The following FAM171A1 variants were observed in gnomAD, a reference collection of about 807,000 sequenced individuals.
FAM171A1 encodes the protein family with sequence similarity 171 member A1.
Under a neutral mutation model 74.9 loss-of-function variants are expected in FAM171A1, and 23 were observed. The ratio of observed to expected loss-of-function variants is 0.31; its 90% CI spans 0.22 to 0.44. The LOEUF is 0.44. Ranked by LOEUF, FAM171A1 falls within the 20% of genes least tolerant of loss-of-function variation. FAM171A1 has a pLI of 1.00. For missense variants in FAM171A1, 1,162 were observed against 1,159.2 expected, an observed-to-expected ratio of 1.00 and a Z score of -0.03; for synonymous variants, 527 against 505.7, an observed-to-expected ratio of 1.04 and a Z score of -0.57.
At chr10:15,258,794 C>T (rs573885991) in intron 3 of FAM171A1, among the ~76,000 whole-genome samples, 2 of 152,336 alleles carry the variant, frequency 1.3e-5, no homozygotes, top group East Asian at 1.9e-4. Context: ...TCTCCAGTGT[C>T]TGCCTGCTGT....
chr10:15,227,551 T>C (rs1834124726), intron 5 of FAM171A1, among the ~76,000 whole-genome samples: 1 of 152,042 alleles, frequency 6.6e-6, no homozygotes, highest in African/African-American at 2.4e-5. Context: ...CCCAACTAAC[T>C]TTGGTATTTT....
chr10:15,345,701 T>C (rs958807954), intron 1 of FAM171A1, among the ~76,000 whole-genome samples: 13 of 152,060 alleles, frequency 8.5e-5, no homozygotes, highest in Admixed American at 5.2e-4. Flanking sequence ...AGGCCTGGGA[T>C]CCTAGGCCAC....
intron 3 of FAM171A1, among the ~76,000 whole-genome samples, chr10:15,263,883 CTAT>C (rs1834701404): frequency 2.0e-5 from 3 of 151,214 alleles, no homozygotes; most frequent in Non-Finnish European, 4.4e-5. Context: ...ATCTATCTAT[CTAT>C]CTATCTATCT....
chr10:15,281,336 T>C (rs1481149843), intron 2 of FAM171A1, among the ~76,000 whole-genome samples: 1 of 152,188 alleles, frequency 6.6e-6, no homozygotes, highest in Non-Finnish European at 1.5e-5. Context: ...AGTATCTTTA[T>C]TATATTGAAA....
chr10:15,356,155 G>T (rs554928099), intron 1 of FAM171A1, among the ~76,000 whole-genome samples: 2 of 151,814 alleles, frequency 1.3e-5, no homozygotes, highest in African/African-American at 4.8e-5. Context: ...GCCATTTATA[G>T]CTGGAAAGTA....
At chr10:15,325,230 T>A (rs1028009567) in intron 1 of FAM171A1, among the ~76,000 whole-genome samples, 2 of 152,186 alleles carry the variant, frequency 1.3e-5, no homozygotes, top group South Asian at 2.1e-4. Flanking sequence ...GGCCCGGGGC[T>A]CACACCTGTA....
At position 15,214,464 on chromosome 10, in the gene FAM171A1, C is replaced by A; in HGVS notation, c.1124G>T (p.Gly375Val). The A allele has an allele frequency of 1.2e-6, 2 of 1,614,136 alleles. No individual in the cohort carries two copies. The highest frequency in any genetic ancestry group is 1.7e-6 in the Non-Finnish European group (2 of 1,180,044). Residue 375 changes from glycine (G) to valine (V), a missense_variant, in exon 8 of 8, where the codon GGC (glycine) becomes GTC (valine). Gly to Val is a moderately radical substitution (Grantham distance 109). Transcript: ENST00000378116. ...LFSRRASEFPGPLSVTSHGRP... is the reference protein window; with the variant it reads ...LFSRRASEFPVPLSVTSHGRP... ...GCCGTGGCTGGTGACGGACAGCGGGCCAGGGAATTCTGACGCTCGGCGTGA... is the reference window on the plus strand; with the variant it reads ...GCCGTGGCTGGTGACGGACAGCGGGACAGGGAATTCTGACGCTCGGCGTGA...
intron 1 of FAM171A1, among the ~76,000 whole-genome samples, chr10:15,363,884 A>G (rs1282999250): frequency 6.6e-6 from 1 of 152,074 alleles, no homozygotes; most frequent in Non-Finnish European, 1.5e-5. Context: ...AGGTGTTTCC[A>G]CAGCGCTCCT....
At position 15,371,088 on chromosome 10, in the gene FAM171A1, G is replaced by T; in HGVS notation, c.-36C>A. 1.0e-6 allele frequency: 1 copy of T among 956,438 alleles called. No homozygotes were observed. The highest frequency in any genetic ancestry group is 1.2e-6 in the Non-Finnish European group (1 of 801,370). The allele number at this position is 956,438 out of a possible 1,614,324, so 59.2% of individuals were successfully genotyped here. ...GGGCCGGCGGCGGCTCGGGCTCGCCGAGAGCGGGCCGGGCGGCGGCGCGTC... is the reference window on the plus strand; with the variant it reads ...GGGCCGGCGGCGGCTCGGGCTCGCCTAGAGCGGGCCGGGCGGCGGCGCGTC... On this transcript the variant is annotated 5_prime_UTR_variant, in exon 1 of 8. Transcript: ENST00000378116.
chr10:15,284,164 TC>T, intron 1 of FAM171A1, 59 bp from the exon 2 acceptor site: 6 of 1,466,802 alleles, frequency 4.1e-6, no homozygotes, highest in Non-Finnish European at 5.7e-6. Context: ...TCATAGCAAC[TC>T]TGGTATGACT....
At chr10:15,279,810 C>T (rs931972815) in intron 2 of FAM171A1, among the ~76,000 whole-genome samples, 5 of 151,892 alleles carry the variant, frequency 3.3e-5, no homozygotes, top group African/African-American at 4.8e-5. Context: ...TCCAGCTACT[C>T]GGGAGGCTGA....
At chr10:15,251,710 C>A (rs533528666) in intron 4 of FAM171A1, among the ~76,000 whole-genome samples, 152 of 152,194 alleles carry the variant, frequency 1.0e-3, no homozygotes, top group African/African-American at 3.5e-3. Flanking sequence ...TCGCGCCTGG[C>A]CTATTCTGCA....
chr10:15,352,078 C>A (rs1310154114), intron 1 of FAM171A1, among the ~76,000 whole-genome samples: 6 of 116,376 alleles, frequency 5.2e-5, no homozygotes, highest in East Asian at 2.1e-4. Context: ...TGTAAAAATA[C>A]AAAAAAAAAA....
At chr10:15,258,549 CT>C (rs1554834293) in intron 3 of FAM171A1, among the ~76,000 whole-genome samples, 3 of 152,218 alleles carry the variant, frequency 2.0e-5, no homozygotes, top group Non-Finnish European at 4.4e-5. Flanking sequence ...AAACATTACT[CT>C]AACTCTGTTA....
In FAM171A1 at chr10:15,294,081, C is replaced by G. The variant is rs558512446; in HGVS notation, c.98-9976G>C. ...AGAGGAGGCATCTGGTTGGGAGCAGCAGGGGTGCTCCCGGAAGAGTCACAC... is the reference window on the plus strand; with the variant it reads ...AGAGGAGGCATCTGGTTGGGAGCAGGAGGGGTGCTCCCGGAAGAGTCACAC... On this transcript the variant is annotated intron_variant, in intron 1 of 7. Coordinates refer to ENST00000378116, the MANE Select transcript of FAM171A1 (RefSeq NM_001010924.2). Among the ~76,000 whole-genome samples, 12 of 152,312 alleles carry G rather than the reference C, an allele frequency of 7.9e-5. 1 individual carries two copies. Among genetic ancestry groups the G allele is most frequent in the African/African-American group, 2.6e-4 (11 of 41,568 alleles).
In FAM171A1 at chr10:15,212,649, G is replaced by A. The variant is rs1291632447; in HGVS notation, c.*266C>T. On this transcript the variant is annotated 3_prime_UTR_variant, in exon 8 of 8. Coordinates refer to ENST00000378116, the MANE Select transcript of FAM171A1 (RefSeq NM_001010924.2). ...GCGGTTTCTTAATGTCCCTGGTGGCGGATACGCCGAGTCCTCGGAAGGACA... is the reference window on the plus strand; with the variant it reads ...GCGGTTTCTTAATGTCCCTGGTGGCAGATACGCCGAGTCCTCGGAAGGACA... The A allele has an allele frequency of 1.2e-5, 6 of 508,520 alleles. No individual in the cohort carries two copies. The highest frequency in any genetic ancestry group is 1.4e-5 in the Non-Finnish European group (4 of 288,220). The allele number at this position is 508,520 out of a possible 1,614,324, so 31.5% of individuals were successfully genotyped here.
chr10:15,229,619 TGTCACCCCCATCACC>T (rs1336104740), intron 5 of FAM171A1, among the ~76,000 whole-genome samples: 5,057 of 79,322 alleles, frequency 0.064, 873 homozygotes, highest in Middle Eastern at 0.14. Flanking sequence ...TCATCACCAT[TGTCACCCCCATCACC>T]ATCATCACCA....
chr10:15,267,229 G>T (rs1834756437), intron 3 of FAM171A1, among the ~76,000 whole-genome samples: 1 of 152,234 alleles, frequency 6.6e-6, no homozygotes, highest in African/African-American at 2.4e-5. Flanking sequence ...CAGGGGGAAG[G>T]AATGCCAGCG....
chr10:15,318,455 A>C (rs1835448882), intron 1 of FAM171A1, among the ~76,000 whole-genome samples: 1 of 152,140 alleles, frequency 6.6e-6, no homozygotes, highest in Non-Finnish European at 1.5e-5. Context: ...AAAGGCAATC[A>C]ACTTTGGCCT....
Sources: gnomAD v4.1 joint callset for allele counts (sites outside exome capture counted in the v4.1 genomes callset) on GRCh38, gnomAD v4.1.1 for gene constraint, MANE v1.5 for transcripts, NCBI Gene and HGNC (gene_info 2026-07-23, HGNC 2026-07-21) for gene names.